Variants in ARPIN observed in about 807,000 individuals in gnomAD.
ARPIN encodes actin related protein 2/3 complex inhibitor.
ARPIN carries 23 observed loss-of-function variants against 25.9 expected under a neutral mutation model. The observed-to-expected ratio is 0.89, with a 90% confidence interval of 0.64 to 1.26. The LOEUF is 1.26. Among genes scored for constraint, ARPIN ranks in the 50% most tolerant of loss-of-function variants. ARPIN has a pLI of 0.00. For missense variants in ARPIN, 333 were observed against 312.2 expected (o/e 1.07, Z -0.50); for synonymous variants, 126 against 131.4 (o/e 0.96, Z 0.28).
At chr15:89,908,916 GA>G (rs778263152) in intron 2 of ARPIN, among the ~76,000 whole-genome samples, 11 of 152,178 alleles carry the variant, frequency 7.2e-5, no homozygotes, top group Non-Finnish European at 1.5e-4. Context: ...CCAGGAGGCG[GA>G]GGTTGCTGTA....
In ARPIN at chr15:89,903,348, C is replaced by T; in HGVS notation, c.540G>A (p.Val180=). 1 of 1,614,236 alleles carries T rather than the reference C, an allele frequency of 6.2e-7. No homozygotes were observed. Among genetic ancestry groups the T allele is most frequent in the Non-Finnish European group, 8.5e-7 (1 of 1,180,042 alleles). Reference sequence around the variant, plus strand: ...CATCACCAGTGAAATTACACTTGGTCACTGTTCCAGCCTCAAGTTTGGCCA... The same window carrying T: ...CATCACCAGTGAAATTACACTTGGTTACTGTTCCAGCCTCAAGTTTGGCCA... ...DSLAKLEAGT[V]TKCNFTGDGK... The change falls in exon 5 of 6, where the codon GTG becomes GTA. Residue 180 remains valine (V), a synonymous_variant. Coordinates refer to ENST00000357484, the MANE Select transcript of ARPIN (RefSeq NM_182616.4).
At chr15:89,912,659 C>CCCCTTTG in intron 1 of ARPIN, 85 bp downstream of exon 1, 2 of 1,161,510 alleles carry the variant, frequency 1.7e-6, no homozygotes, top group Non-Finnish European at 2.1e-6. Context: ...TTCCCCCACC[C>CCCCTTTG]GCATCCCACC....
chr15:89,908,483 C>A, intron 2 of ARPIN, 71 bp from the exon 3 acceptor site: 1 of 1,587,796 alleles, frequency 6.3e-7, no homozygotes. Flanking sequence ...GCTCCGGCTG[C>A]AGCCCCGCCA....
At chr15:89,908,480 C>T in intron 2 of ARPIN, 68 bp from the exon 3 acceptor site, 8 of 1,590,906 alleles carry the variant, frequency 5.0e-6, no homozygotes, top group Non-Finnish European at 6.0e-6. Flanking sequence ...TGGGCTCCGG[C>T]TGCAGCCCCG....
chr15:89,907,479 A>G (rs1393275114), intron 3 of ARPIN, among the ~76,000 whole-genome samples: 3 of 152,222 alleles, frequency 2.0e-5, no homozygotes, highest in African/African-American at 7.2e-5. Flanking sequence ...GAGTGGGATG[A>G]GTGCTTTACA....
intron 1 of ARPIN, chr15:89,912,029 T>TGAGAC (rs1897232795): frequency 4.7e-6 from 1 of 212,290 alleles, no homozygotes; most frequent in African/African-American, 2.4e-5. Flanking sequence ...GTTTCACCAT[T>TGAGAC]AGGCTGGTCT....
At chr15:89,911,747 TTATTC>T (rs1247316793) in intron 1 of ARPIN, among the ~76,000 whole-genome samples, 1 of 152,206 alleles carries the variant, frequency 6.6e-6, no homozygotes, top group Non-Finnish European at 1.5e-5. Context: ...CAGAAATTGT[TTATTC>T]TATAACTGAA....
chr15:89,901,789 C>G lies in ARPIN; in HGVS notation c.*6G>C. Reference sequence around the variant, plus strand: ...GTGCTGGTGCCCCCAGAGGCAGCCACGTCCCTCAGTCATCCTAGAGAAATC... The same window carrying G: ...GTGCTGGTGCCCCCAGAGGCAGCCAGGTCCCTCAGTCATCCTAGAGAAATC... On this transcript the variant is annotated 3_prime_UTR_variant, in exon 6 of 6. Coordinates refer to ENST00000357484, the MANE Select transcript of ARPIN (RefSeq NM_182616.4). 1 of 1,613,994 alleles carries G rather than the reference C, an allele frequency of 6.2e-7. No homozygotes were observed. The highest frequency in any genetic ancestry group is 8.5e-7 in the Non-Finnish European group (1 of 1,179,872).
At position 89,912,900 on chromosome 15, in the gene ARPIN, A is replaced by G. The variant is rs1413876244; in HGVS notation, c.-65T>C. ...ACTGGGCTGGGGGCGCGGCGCGGGA[A>G]GTGCTGCAGGACGCGCGGGGACCCG... On this transcript the variant is annotated 5_prime_UTR_variant, in exon 1 of 6. Transcript: ENST00000357484. 2.8e-5 allele frequency: 41 copies of G among 1,449,202 alleles called. No homozygotes were observed. Among genetic ancestry groups the G allele is most frequent in the Non-Finnish European group, 3.4e-5 (38 of 1,108,440 alleles). The allele number at this position is 1,449,202 out of a possible 1,614,324, so 89.8% of individuals were successfully genotyped here.
At chr15:89,908,137 T>C in intron 3 of ARPIN, 143 bp downstream of exon 3, 1 of 1,342,076 alleles carries the variant, frequency 7.5e-7, no homozygotes, top group East Asian at 2.6e-5. Flanking sequence ...CAGGGGTGGA[T>C]GTGGAAGCCT....
chr15:89,899,676 C>A lies in ARPIN; in HGVS notation c.*2119G>T, dbSNP rs1896987871. 6.6e-6 allele frequency: 1 copy of A among 152,374 alleles called. No individual in the cohort carries two copies. The highest frequency in any genetic ancestry group is 2.1e-4 in the South Asian group (1 of 4,820). 9.4% of individuals were successfully genotyped at this position (152,374 alleles called of 1,614,324 possible). ...ACTGCTATAGACCAGACCCCTCTAGCCTCTCACCCAGGCAACTGCAGCAGT... is the reference window on the plus strand; with the variant it reads ...ACTGCTATAGACCAGACCCCTCTAGACTCTCACCCAGGCAACTGCAGCAGT... On this transcript the variant is annotated 3_prime_UTR_variant, in exon 6 of 6. Transcript: ENST00000357484.
chr15:89,908,542 G>A (rs981789170), intron 2 of ARPIN, 130 bp from the exon 3 acceptor site: 3 of 1,471,248 alleles, frequency 2.0e-6, no homozygotes, highest in Non-Finnish European at 2.7e-6. Flanking sequence ...AGATGTTCAA[G>A]CTAGGCAGAT....
At chr15:89,911,588 C>A (rs1317711830) in intron 1 of ARPIN, among the ~76,000 whole-genome samples, 2 of 151,992 alleles carry the variant, frequency 1.3e-5, no homozygotes, top group Non-Finnish European at 2.9e-5. Context: ...TTCTTCCCCA[C>A]CCCCCACAAT....
At position 89,900,487 on chromosome 15, in the gene ARPIN, C is replaced by T. The variant is rs1267240520; in HGVS notation, c.*1308G>A. 1 of 152,126 alleles carries T rather than the reference C, an allele frequency of 6.6e-6. No individual in the cohort carries two copies. The highest frequency in any genetic ancestry group is 2.1e-4 in the South Asian group (1 of 4,824). The allele number at this position is 152,126 out of a possible 1,614,324, so 9.4% of individuals were successfully genotyped here. On this transcript the variant is annotated 3_prime_UTR_variant, in exon 6 of 6. Transcript: ENST00000357484. The stretch of plus-strand genomic sequence containing the variant: ...TGCCACTGTATACTATCCTAGAGCT[C>T]TGAGCTTTAGTCTCATGAGAAAATG...
chr15:89,903,882 CG>C lies in ARPIN; in HGVS notation c.402del (p.Asp135ThrfsTer15). On this transcript the variant is annotated frameshift_variant, in exon 4 of 6. Transcript: ENST00000357484. LOFTEE classifies it high-confidence loss of function. Reference sequence around the variant, plus strand: ...GGCATCCAGAACGCCACTGTGTGGTCGGGGGTGAGGCTCTCTGTCAGCGCGA... The same window carrying C: ...GGCATCCAGAACGCCACTGTGTGGTCGGGGTGAGGCTCTCTGTCAGCGCGA... ...ELLALTESLT[P>X]DHTVAFWMPE... is the part of the protein sequence containing the mutation. 1.2e-6 allele frequency: 2 copies of C among 1,614,004 alleles called. No homozygotes were observed. Among genetic ancestry groups the C allele is most frequent in the Non-Finnish European group, 8.5e-7 (1 of 1,180,022 alleles).
chr15:89,912,931 C>T lies in ARPIN; in HGVS notation c.-96G>A. ...GCAGGACGCGCGGGGACCCGCGATT[C>T]CCAGCCGGCGGATCCGGGAATGGCG... On this transcript the variant is annotated 5_prime_UTR_variant, in exon 1 of 6. Transcript: ENST00000357484. The T allele has an allele frequency of 1.4e-6, 2 of 1,383,194 alleles. No individual in the cohort carries two copies. Among genetic ancestry groups the T allele is most frequent in the South Asian group, 3.1e-5 (2 of 65,242 alleles). The allele number at this position is 1,383,194 out of a possible 1,614,324, so 85.7% of individuals were successfully genotyped here.
rs905148896 is a variant in ARPIN at position 89,903,309 on chromosome 15, T to C, written c.579A>G (p.Ala193=). Residue 193 remains alanine (A), a synonymous_variant, in exon 5 of 6, where the codon GCA becomes GCG. Coordinates refer to ENST00000357484, the MANE Select transcript of ARPIN (RefSeq NM_182616.4). ...GGGCCATGATGTTGTCTGTCCAGGA[T>C]GCCCCTGTCTTTCCATCACCAGTGA... is the stretch of plus-strand genomic sequence containing the variant. ...CNFTGDGKTG[A]SWTDNIMAQK... is the part of the protein sequence containing the mutation. The C allele has an allele frequency of 1.2e-6, 2 of 1,614,126 alleles. No homozygotes were observed.
At position 89,897,726 on chromosome 15, in the gene ARPIN, CTA is replaced by C. The variant is rs780622320; in HGVS notation, c.*4067_*4068del. On this transcript the variant is annotated 3_prime_UTR_variant, in exon 6 of 6. Coordinates refer to ENST00000357484, the MANE Select transcript of ARPIN (RefSeq NM_182616.4). ...AAATTATGAACATGACTGAGTGAAA[CTA>C]TGAGTCTTTTTTTCCCCTTTAAATA... The C allele has an allele frequency of 1.3e-5, 2 of 152,170 alleles. No individual in the cohort carries two copies. The highest frequency in any genetic ancestry group is 2.4e-5 in the African/African-American group (1 of 41,446). 9.4% of individuals were successfully genotyped at this position (152,170 alleles called of 1,614,324 possible).
chr15:89,910,279 C>G (rs1162040180), intron 2 of ARPIN, among the ~76,000 whole-genome samples: 3 of 152,078 alleles, frequency 2.0e-5, no homozygotes, highest in Non-Finnish European at 2.9e-5. Flanking sequence ...AAAGTCGGAA[C>G]TAGCGCTCCG....
Sources: allele counts gnomAD v4.1 joint callset (sites outside exome capture counted in the v4.1 genomes callset), GRCh38; gene constraint gnomAD v4.1.1; transcripts MANE v1.5; gene names NCBI Gene and HGNC (gene_info 2026-07-23, HGNC 2026-07-21).